The following HEATR1 variants were observed in gnomAD, a reference collection of about 807,000 sequenced individuals.
HEATR1 encodes HEAT repeat-containing protein 1.
HEATR1 carries 77 observed loss-of-function variants against 248.2 expected under a neutral mutation model. The ratio of observed to expected loss-of-function variants is 0.31; its 90% CI spans 0.26 to 0.37. HEATR1 has a LOEUF of 0.37. HEATR1 is among the 10% of genes least tolerant of loss of function. The probability of loss-of-function intolerance (pLI) is 1.00; values close to 1 mark genes in which losing one functional copy is unlikely to be tolerated. For missense variants in HEATR1, 2,420 were observed against 2,504.9 expected (o/e 0.97, Z 0.72); for synonymous variants, 897 against 923.1 (o/e 0.97, Z 0.51).
intron 3 of HEATR1, among the ~76,000 whole-genome samples, chr1:236,599,892 C>A (rs75890704): frequency 0.017 from 2,655 of 152,114 alleles, 17 homozygotes; most frequent in Middle Eastern, 0.075. Context: ...CTCAGCTTTA[C>A]AATTTTTATT....
chr1:236,604,315 CA>C, intron 1 of HEATR1, 106 bp downstream of exon 1: 1 of 441,380 alleles, frequency 2.3e-6, no homozygotes, highest in Non-Finnish European at 3.9e-6. Context: ...GCGACCGCGC[CA>C]AGGCTTTCCT....
At chr1:236,594,769 A>G (rs1295032208) in intron 8 of HEATR1, among the ~76,000 whole-genome samples, 1 of 152,154 alleles carries the variant, frequency 6.6e-6, no homozygotes, top group African/African-American at 2.4e-5. Context: ...GTATTTATTA[A>G]AAGACATAAT....
intron 5 of HEATR1, 149 bp from the exon 6 acceptor site, chr1:236,597,125 CAAAA>C: frequency 2.6e-6 from 1 of 380,480 alleles, no homozygotes; most frequent in Non-Finnish European, 4.5e-6. Flanking sequence ...TCCATGTCTC[CAAAA>C]AAAAAAAAAG....
Position 236,568,983 on chromosome 1 carries a change from A to C in HEATR1, c.4077+13T>G, listed in dbSNP as rs577302851. On this transcript the variant is annotated intron_variant, in intron 29 of 44. Transcript: ENST00000366582. The stretch of plus-strand genomic sequence containing the variant: ...AAAAAAAGAAACCCCACGATGGTAT[A>C]AAGAGACCTTACCTGAATAAGTGCG... 24 of 1,541,976 alleles carry C rather than the reference A, an allele frequency of 1.6e-5. No individual in the cohort carries two copies. The highest frequency in any genetic ancestry group is 4.5e-5 in the Admixed American group (2 of 44,796).
At chr1:236,563,494 G>C (rs1663190095) in intron 32 of HEATR1, among the ~76,000 whole-genome samples, 2 of 151,924 alleles carry the variant, frequency 1.3e-5, no homozygotes, top group African/African-American at 2.4e-5. Context: ...GGATGGTCTC[G>C]ATCTCCTGAC....
rs769350794 is a variant in HEATR1, at chr1:236,576,341, T to C, written c.2962A>G (p.Lys988Glu). 30 of 1,608,542 alleles carry C rather than the reference T, an allele frequency of 1.9e-5. No homozygotes were observed. In the East Asian group the frequency reaches 6.5e-4, roughly 35 times the overall value. The change falls in exon 22 of 45, where the codon AAG (lysine) becomes GAG (glutamate). Residue 988 changes from lysine to glutamate, a missense_variant. Transcript: ENST00000366582. ...AACTTCTGATGAGATTTCAGTTTCT[T>C]TTCTCTCTGTAGTTCCTCAAATAAA... The part of the protein sequence containing the change: ...ATLFEELQRE[K>E]KLKSHQKLSE...
Position 236,582,810 on chromosome 1 carries a change from T to C in HEATR1, c.2488A>G (p.Ile830Val). Reference protein sequence around the residue: ...EDSRDYLHLLIGLFEMMLNGA... With the variant: ...EDSRDYLHLLVGLFEMMLNGA... Reference sequence around the variant, plus strand: ...TTGAGCATCATCTCAAACAGCCCAATGAGCAAGTGCAGATAGTCCCTGCTG... The same window carrying C: ...TTGAGCATCATCTCAAACAGCCCAACGAGCAAGTGCAGATAGTCCCTGCTG... The change falls in exon 19 of 45, where the codon ATT (isoleucine) becomes GTT (valine). Residue 830 changes from isoleucine (I) to valine (V), a missense_variant. Ile to Val is a conservative substitution (Grantham distance 29). Transcript: ENST00000366582. 6.2e-7 allele frequency: 1 copy of C among 1,614,106 alleles called. No individual in the cohort carries two copies. Among genetic ancestry groups the C allele is most frequent in the Non-Finnish European group, 8.5e-7 (1 of 1,179,946 alleles).
chr1:236,558,480 C>T lies in HEATR1; in HGVS notation c.4961G>A (p.Arg1654His), dbSNP rs16833884. The T allele has an allele frequency of 0.016, 25,851 of 1,614,154 alleles. 240 individuals carry two copies. The highest frequency in any genetic ancestry group is 0.02 in the Non-Finnish European group (23,078 of 1,179,996). The part of the protein sequence containing the change: ...LVPDLLAIVQ[R>H]KKKEGEEEQA... ...TTCTTCTTCCCCTTCCTTTTTCTTA[C>T]GCTGCACAATGGCCAAAAGGTCTGG... The change falls in exon 36 of 45, where the codon CGT becomes CAT. Residue 1654 changes from arginine to histidine, a missense_variant. Coordinates refer to ENST00000366582, the MANE Select transcript of HEATR1 (RefSeq NM_018072.6).
intron 14 of HEATR1, 121 bp from the exon 15 acceptor site, chr1:236,586,573 T>C: frequency 3.1e-6 from 2 of 645,740 alleles, no homozygotes; most frequent in Non-Finnish European, 5.5e-6. Flanking sequence ...ACCAAAACTA[T>C]TATTCAGATA....
intron 12 of HEATR1, among the ~76,000 whole-genome samples, chr1:236,590,526 C>G (rs889580785): frequency 6.6e-6 from 1 of 151,910 alleles, no homozygotes; most frequent in African/African-American, 2.4e-5. Context: ...TGTGACCGGC[C>G]CAAAATCAAA....
chr1:236,572,581 G>C (rs1290485983), intron 25 of HEATR1, 27 bp from the exon 26 acceptor site: 1 of 1,612,602 alleles, frequency 6.2e-7, no homozygotes, highest in East Asian at 2.2e-5. Flanking sequence ...ACAAAACGTT[G>C]GAAAAGCAAA....
intron 37 of HEATR1, 43 bp downstream of exon 37, chr1:236,557,152 C>T (rs1293463021): frequency 4.4e-6 from 7 of 1,589,634 alleles, no homozygotes; most frequent in African/African-American, 2.7e-5. Flanking sequence ...CTTTTACCTT[C>T]CCCAGCCACC....
At chr1:236,584,972 C>T in intron 17 of HEATR1, 53 bp downstream of exon 17, 1 of 1,482,972 alleles carries the variant, frequency 6.7e-7, no homozygotes, top group Non-Finnish European at 9.2e-7. Context: ...ACTAATAGGC[C>T]AGGCTGTTGT....
rs767922890 is a variant in HEATR1, at chr1:236,583,215, CAA to C, written c.2242-21_2242-20del. The C allele has an allele frequency of 6.4e-7, 1 of 1,567,602 alleles. No homozygotes were observed. Among genetic ancestry groups the C allele is most frequent in the Non-Finnish European group, 8.6e-7 (1 of 1,157,594 alleles). On this transcript the variant is annotated intron_variant, in intron 17 of 44. Coordinates refer to ENST00000366582, the MANE Select transcript of HEATR1 (RefSeq NM_018072.6). ...GGATTTCCTGAAATGTTAAAGGAAA[CAA>C]AAACTAGTACAAACTAAGGGTTCTG...
chr1:236,566,578 C>T, intron 30 of HEATR1, 68 bp downstream of exon 30: 1 of 1,160,344 alleles, frequency 8.6e-7, no homozygotes, highest in Non-Finnish European at 1.3e-6. Flanking sequence ...CATGTTTAAA[C>T]TGGACAATAT....
At position 236,554,610 on chromosome 1, in the gene HEATR1, A is replaced by T. The variant is rs757016322; in HGVS notation, c.6066T>A (p.Pro2022=). The T allele has an allele frequency of 5.6e-6, 9 of 1,611,110 alleles. No individual in the cohort carries two copies. In the East Asian group the frequency reaches 6.7e-5, roughly 12 times the overall value. ...SKERAEALMM[P]LVDQLENRLG... is the part of the protein sequence containing the mutation. ...TCTGTTTGGTTACCTGATCCACCAG[A>T]GGCATCATCAAGGCTTCTGCTCTCT... is the stretch of plus-strand genomic sequence containing the variant. The change falls in exon 42 of 45, where the codon CCT becomes CCA. Residue 2022 remains proline (P), a synonymous_variant. Coordinates refer to ENST00000366582, the MANE Select transcript of HEATR1 (RefSeq NM_018072.6).
At chr1:236,570,028 C>A (rs987781569) in intron 28 of HEATR1, among the ~76,000 whole-genome samples, 5 of 152,204 alleles carry the variant, frequency 3.3e-5, no homozygotes, top group Non-Finnish European at 7.3e-5. Context: ...GTGGCTCACG[C>A]CTGTAGTTCC....
Position 236,581,257 on chromosome 1 carries a change from T to C in HEATR1, c.2720A>G (p.Gln907Arg), listed in dbSNP as rs750843509. The change falls in exon 20 of 45, where the codon CAG becomes CGG. Residue 907 changes from glutamine (Q) to arginine (R), a missense_variant. Transcript: ENST00000366582. ...GCAMLSSQKT[Q>R]CKHQLASISS... ...TATGGATGCCAGTTGGTGTTTACAC[T>C]GTGTCTTCTGAGAAGAAAGCATTGC... 5 of 1,613,904 alleles carry C rather than the reference T, an allele frequency of 3.1e-6. No individual in the cohort carries two copies. The highest frequency in any genetic ancestry group is 3.4e-6 in the Non-Finnish European group (4 of 1,179,922).
At chr1:236,603,569 A>G (rs1664384317) in intron 2 of HEATR1, among the ~76,000 whole-genome samples, 193 bp from the exon 3 acceptor site, 1 of 151,258 alleles carries the variant, frequency 6.6e-6, no homozygotes, top group Non-Finnish European at 1.5e-5. Context: ...ACTAGAACAG[A>G]AAGTACTTCG....
Sources: gnomAD v4.1 joint callset for allele counts (sites outside exome capture counted in the v4.1 genomes callset) on GRCh38, gnomAD v4.1.1 for gene constraint, MANE v1.5 for transcripts, NCBI Gene and HGNC (gene_info 2026-07-23, HGNC 2026-07-21) for gene names.